The following ASAP2 variants were observed in gnomAD, a reference collection of about 807,000 sequenced individuals.
ASAP2 encodes ArfGAP with SH3 domain, ankyrin repeat and PH domain 2, also known as arf-GAP with SH3 domain, ANK repeat and PH domain-containing protein 2.
Under a neutral mutation model 131.4 loss-of-function variants are expected in ASAP2, and 45 were observed. That is an observed-to-expected ratio of 0.34 (90% CI 0.27 to 0.44). The LOEUF (loss-of-function observed/expected upper bound fraction) is 0.44, where lower values mean the gene tolerates loss of function less well. ASAP2 is among the 20% of genes least tolerant of loss of function. The pLI is 1.00. For synonymous variants in ASAP2, 510 were observed against 503.0 expected (o/e 1.01, Z -0.19); for missense variants, 1,011 against 1,297.0 (o/e 0.78, Z 3.39).
rs34518071 is a variant in ASAP2 at position 9,215,665 on chromosome 2, G to GTT, written c.126+8450_126+8451dup. 3.3e-3 allele frequency among the ~76,000 whole-genome samples: 450 copies of GTT among 136,406 alleles called. 4 individuals are homozygous for GTT. The highest frequency in any genetic ancestry group is 4.2e-3 in the South Asian group (18 of 4,272). The allele number at this position is 136,406 out of a possible 152,430, so 89.5% of individuals were successfully genotyped here. On this transcript the variant is annotated intron_variant, in intron 1 of 27. Transcript: ENST00000281419. Reference sequence around the variant, plus strand: ...CTTGATGGTAAGATTTGTTTAGCTAGTTTTTTTTTTTTTTTTGGAGTGATG... The same window carrying GTT: ...CTTGATGGTAAGATTTGTTTAGCTAGTTTTTTTTTTTTTTTTTTGGAGTGATG...
intron 2 of ASAP2, among the ~76,000 whole-genome samples, chr2:9,293,241 G>A (rs1572371439): frequency 6.6e-6 from 1 of 152,128 alleles, no homozygotes; most frequent in East Asian, 1.9e-4. Context: ...GGGATTGATG[G>A]GTTTCGTGCA....
At chr2:9,365,010 A>AT (rs1233338777) in intron 15 of ASAP2, among the ~76,000 whole-genome samples, 2 of 152,108 alleles carry the variant, frequency 1.3e-5, no homozygotes, top group African/African-American at 4.8e-5. Flanking sequence ...GATTCTGAAC[A>AT]TTTTTTAAAC....
intron 9 of ASAP2, among the ~76,000 whole-genome samples, chr2:9,342,485 C>G (rs1392271952): frequency 3.9e-5 from 6 of 152,204 alleles, no homozygotes; most frequent in African/African-American, 1.4e-4. Flanking sequence ...TCCCTTACCT[C>G]ACACCATAAT....
intron 2 of ASAP2, among the ~76,000 whole-genome samples, chr2:9,292,410 CG>C (rs1016866249): frequency 1.7e-4 from 26 of 152,004 alleles, no homozygotes; most frequent in Non-Finnish European, 1.5e-5. Flanking sequence ...CTCAGCTACT[CG>C]GGAGGCTGAG....
intron 3 of ASAP2, among the ~76,000 whole-genome samples, chr2:9,317,089 A>G (rs1340831886): frequency 8.8e-6 from 1 of 113,250 alleles, no homozygotes; most frequent in Non-Finnish European, 2.1e-5. Context: ...ATCCACACAC[A>G]CACTCAACCA....
chr2:9,234,330 G>T (rs546628647), intron 1 of ASAP2, among the ~76,000 whole-genome samples: 4 of 152,308 alleles, frequency 2.6e-5, no homozygotes, highest in South Asian at 4.1e-4. Flanking sequence ...AGACAGGCTG[G>T]TGTGAGAATT....
chr2:9,383,353 C>G (rs1156340145), intron 20 of ASAP2, among the ~76,000 whole-genome samples: 1 of 152,086 alleles, frequency 6.6e-6, no homozygotes, highest in African/African-American at 2.4e-5. Context: ...CTCCTGAGCT[C>G]AAGCGATCCT....
Position 9,389,405 on chromosome 2 carries a change from T to G in ASAP2, c.2383+859T>G, listed in dbSNP as rs948460313. Among the ~76,000 whole-genome samples, 1 of 152,074 alleles carries G rather than the reference T, an allele frequency of 6.6e-6. No homozygotes were observed. Among genetic ancestry groups the G allele is most frequent in the Non-Finnish European group, 1.5e-5 (1 of 67,990 alleles). On this transcript the variant is annotated intron_variant, in intron 22 of 27. Coordinates refer to ENST00000281419, the MANE Select transcript of ASAP2 (RefSeq NM_003887.3). This position sits in a 1 kb window ranked among gnomAD's most constrained non-coding sequence, Gnocchi z 4.7. ...TGGCCGCTGTGAGCCGCTGATGGAG[T>G]GGAGCCCACGTCCCCAAATACATCC...
chr2:9,226,898 G>A (rs1182531549), intron 1 of ASAP2, among the ~76,000 whole-genome samples: 5 of 152,154 alleles, frequency 3.3e-5, no homozygotes, highest in Admixed American at 6.5e-5. Context: ...GGTCAGTCAG[G>A]AGGCATTCCC....
intron 1 of ASAP2, among the ~76,000 whole-genome samples, chr2:9,210,340 A>G (rs902558200): frequency 1.3e-5 from 2 of 152,214 alleles, no homozygotes; most frequent in African/African-American, 2.4e-5. Flanking sequence ...AATAATACCT[A>G]TCAACTTCAG....
chr2:9,309,234 A>T (rs1669138226), intron 3 of ASAP2, among the ~76,000 whole-genome samples: 1 of 152,234 alleles, frequency 6.6e-6, no homozygotes, highest in Admixed American at 6.5e-5. Context: ...AATGTCCATC[A>T]GCAGGTGTCT....
Position 9,281,714 on chromosome 2 carries a change from C to T in ASAP2, c.199+2325C>T, listed in dbSNP as rs61651168. 0.041 allele frequency among the ~76,000 whole-genome samples: 6,267 copies of T among 152,280 alleles called. 323 individuals are homozygous for T. Among genetic ancestry groups the T allele is most frequent in the African/African-American group, 0.11 (4,766 of 41,556 alleles). ...TGGGATAAAGATGGTTCTCTTACCA[C>T]AGATCCATCCAAAGATTTTAATGTG... On this transcript the variant is annotated intron_variant, in intron 2 of 27. Transcript: ENST00000281419. The surrounding 1 kb of genome is among the most constrained non-coding windows in gnomAD (Gnocchi z 4.0).
chr2:9,344,304 G>A (rs188554243), intron 9 of ASAP2, among the ~76,000 whole-genome samples: 2 of 152,232 alleles, frequency 1.3e-5, no homozygotes, highest in Non-Finnish European at 2.9e-5. Context: ...AGCCAGTTTG[G>A]GAATATTGGT....
intron 20 of ASAP2, among the ~76,000 whole-genome samples, chr2:9,384,366 C>G (rs1357118995): frequency 6.6e-6 from 1 of 152,164 alleles, no homozygotes; most frequent in African/African-American, 2.4e-5. Context: ...CTACCATGTT[C>G]TTGTAAAGGC....
rs755628550 is a variant in ASAP2, at chr2:9,368,374, G to A, written c.1462-51G>A. 3 of 1,476,742 alleles carry A rather than the reference G, an allele frequency of 2.0e-6. No individual in the cohort carries two copies. The Admixed American group carries it at 5.0e-5, about 25-fold the overall frequency. 91.5% of individuals were successfully genotyped at this position (1,476,742 alleles called of 1,614,324 possible). On this transcript the variant is annotated intron_variant, in intron 15 of 27. Coordinates refer to ENST00000281419, the MANE Select transcript of ASAP2 (RefSeq NM_003887.3). ...AGATGGGGATGGGTAATGTGTAGCA[G>A]TAGAATGTATTAATAATTGAGTATC...
rs76137049 is a variant in ASAP2, at chr2:9,282,512, G to T, written c.199+3123G>T. Among the ~76,000 whole-genome samples, 447 of 152,292 alleles carry T rather than the reference G, an allele frequency of 2.9e-3. 2 individuals carry two copies. Among genetic ancestry groups the T allele is most frequent in the Middle Eastern group, 6.8e-3 (2 of 294 alleles). ...AGATTAAATTTTTTTAGAACTAGATGTCAGAAATAAGTCAGGCATATTCAA... is the reference window on the plus strand; with the variant it reads ...AGATTAAATTTTTTTAGAACTAGATTTCAGAAATAAGTCAGGCATATTCAA... On this transcript the variant is annotated intron_variant, in intron 2 of 27. Coordinates refer to ENST00000281419, the MANE Select transcript of ASAP2 (RefSeq NM_003887.3).
intron 14 of ASAP2, 132 bp downstream of exon 14, chr2:9,356,477 C>A: frequency 9.2e-7 from 1 of 1,085,616 alleles, no homozygotes; most frequent in Non-Finnish European, 1.3e-6. Flanking sequence ...GAGTTCATCC[C>A]ATTACACAAA....
At chr2:9,395,662 C>T (rs148146124) in intron 24 of ASAP2, among the ~76,000 whole-genome samples, 12,169 of 118,252 alleles carry the variant, frequency 0.1, 573 homozygotes, top group Middle Eastern at 0.14. Context: ...GGCTGGAGTG[C>T]GGTGGCGCGA....
intron 1 of ASAP2, among the ~76,000 whole-genome samples, chr2:9,250,831 A>G (rs576071358): frequency 6.6e-6 from 1 of 152,356 alleles, no homozygotes; most frequent in East Asian, 1.9e-4. Flanking sequence ...ACAGGCCACC[A>G]TGGGCCATCT....
Sources: gnomAD v4.1 joint callset for allele counts (sites outside exome capture counted in the v4.1 genomes callset) on GRCh38, gnomAD v4.1.1 for gene constraint, Gnocchi (gnomAD v3.1) non-coding constraint, MANE v1.5 for transcripts, NCBI Gene and HGNC (gene_info 2026-07-23, HGNC 2026-07-21) for gene names.